The following NDUFAF7 variants were observed in gnomAD, a reference collection of about 807,000 sequenced individuals.
The protein encoded by NDUFAF7 is protein arginine methyltransferase NDUFAF7, mitochondrial.
A neutral mutation model predicts 47.2 loss-of-function variants in NDUFAF7; 48 were observed. That is an observed-to-expected ratio of 1.02 (90% CI 0.81 to 1.29). The LOEUF (loss-of-function observed/expected upper bound fraction) is 1.29. Among genes scored for constraint, NDUFAF7 ranks in the 50% most tolerant of loss-of-function variants. The pLI is 0.00. For synonymous variants in NDUFAF7, 217 were observed against 190.0 expected (o/e 1.14, Z -1.17); for missense variants, 635 against 537.6 (o/e 1.18, Z -1.79).
At chr2:37,239,497 T>G (rs1666138940) in intron 4 of NDUFAF7, among the ~76,000 whole-genome samples, 6 of 152,226 alleles carry the variant, frequency 3.9e-5, no homozygotes. Flanking sequence ...CCAGCAATTT[T>G]ACTGCTAGTG....
rs563449749 is a variant in NDUFAF7 at position 37,248,214 on chromosome 2, A to T, written c.1190A>T (p.Lys397Met). Residue 397 changes from lysine to methionine, a missense_variant, in exon 10 of 10, where the codon AAG becomes ATG. Coordinates refer to ENST00000002125, the MANE Select transcript of NDUFAF7 (RefSeq NM_144736.5). The stretch of plus-strand genomic sequence containing the variant: ...TATGATATGTTAATGAATCCAAAGA[A>T]GATGGGAGAGAGATTTAACTTTTTT... ...QGYDMLMNPK[K>M]MGERFNFFAL... The T allele has an allele frequency of 1.9e-6, 3 of 1,613,994 alleles. No individual in the cohort carries two copies. The highest frequency in any genetic ancestry group is 1.7e-5 in the Admixed American group (1 of 60,020).
At chr2:37,263,462 G>T in the NDUFAF7 span, among the ~76,000 whole-genome samples, 2 of 152,232 alleles carry the variant, frequency 1.3e-5, no homozygotes, top group East Asian at 3.9e-4. Flanking sequence ...TTTAGACCTT[G>T]TACGTTCTTA....
chr2:37,254,056 G>C (rs1667740168), downstream of NDUFAF7: 8 of 629,402 alleles, frequency 1.3e-5, no homozygotes, highest in Admixed American at 7.9e-5. Context: ...ATGCTGTATG[G>C]TTTCCAGAGA....
the NDUFAF7 span, among the ~76,000 whole-genome samples, chr2:37,266,816 C>A: frequency 2.0e-5 from 3 of 152,080 alleles, no homozygotes; most frequent in Non-Finnish European, 4.4e-5. Context: ...ACCATGATTT[C>A]TTTAATAATA....
chr2:37,267,113 T>C, the NDUFAF7 span, among the ~76,000 whole-genome samples: 3 of 152,194 alleles, frequency 2.0e-5, no homozygotes, highest in East Asian at 1.9e-4. Context: ...TGCACAGTAA[T>C]TGCTATGACA....
chr2:37,262,691 C>G, the NDUFAF7 span, among the ~76,000 whole-genome samples: 11 of 152,104 alleles, frequency 7.2e-5, no homozygotes, highest in African/African-American at 2.7e-4. Flanking sequence ...TCCCCCCTGC[C>G]CTCCTTTAAA....
At chr2:37,261,747 T>G in the NDUFAF7 span, among the ~76,000 whole-genome samples, 1 of 152,240 alleles carries the variant, frequency 6.6e-6, no homozygotes, top group African/African-American at 2.4e-5. Context: ...GCCATTGCAC[T>G]CTAGCCTGGG....
Position 37,247,450 on chromosome 2 carries a change from T to C in NDUFAF7, c.937-6T>C. 1 of 1,613,994 alleles carries C rather than the reference T, an allele frequency of 6.2e-7. No homozygotes were observed. The highest frequency in any genetic ancestry group is 8.5e-7 in the Non-Finnish European group (1 of 1,179,910). The stretch of plus-strand genomic sequence containing the variant: ...AGGGCAAAAATCTGATTTCTTTATG[T>C]TCAAGGGGTTTTGCGACCACAAGCT... On this transcript the variant is annotated splice_region_variant and splice_polypyrimidine_tract_variant and intron_variant, in intron 8 of 9. Coordinates refer to ENST00000002125, the MANE Select transcript of NDUFAF7 (RefSeq NM_144736.5).
At chr2:37,265,670 A>AAGT in the NDUFAF7 span, among the ~76,000 whole-genome samples, 1 of 152,340 alleles carries the variant, frequency 6.6e-6, no homozygotes, top group East Asian at 1.9e-4. Flanking sequence ...CCAAATATAA[A>AAGT]AGTATAAATA....
rs1667226525 is a variant in NDUFAF7 at position 37,248,991 on chromosome 2, T to C, written c.*641T>C. On this transcript the variant is annotated 3_prime_UTR_variant, in exon 10 of 10. Transcript: ENST00000002125. Reference sequence around the variant, plus strand: ...GACTAAATGGCTATTCACAGGAAACTGATAAGATATATGTTATTTTTTTAA... The same window carrying C: ...GACTAAATGGCTATTCACAGGAAACCGATAAGATATATGTTATTTTTTTAA... 2 of 153,396 alleles carry C rather than the reference T, an allele frequency of 1.3e-5. No individual in the cohort carries two copies. Among genetic ancestry groups the C allele is most frequent in the South Asian group, 2.0e-4 (1 of 4,930 alleles). 9.5% of individuals were successfully genotyped at this position (153,396 alleles called of 1,614,324 possible).
chr2:37,251,206 T>C (rs1667462449), downstream of NDUFAF7: 1 of 152,514 alleles, frequency 6.6e-6, no homozygotes, highest in Non-Finnish European at 1.5e-5. Flanking sequence ...AAAAAAAAAT[T>C]TTTTTTGAAA....
chr2:37,258,404 A>C, the NDUFAF7 span, among the ~76,000 whole-genome samples: 8 of 152,330 alleles, frequency 5.3e-5, no homozygotes, highest in South Asian at 1.7e-3. Context: ...CATCTTGATA[A>C]GGTAAAGATG....
chr2:37,241,880 A>C, intron 5 of NDUFAF7, 89 bp downstream of exon 5: 1 of 1,161,510 alleles, frequency 8.6e-7, no homozygotes, highest in Non-Finnish European at 1.2e-6. Context: ...GCAATATAAT[A>C]GATTGAGTTA....
At chr2:37,234,219 A>G (rs1665505500) in intron 2 of NDUFAF7, among the ~76,000 whole-genome samples, 1 of 152,036 alleles carries the variant, frequency 6.6e-6, no homozygotes, top group Non-Finnish European at 1.5e-5. Context: ...CCTCCCGAGT[A>G]GTTGGGATTA....
intron 3 of NDUFAF7, among the ~76,000 whole-genome samples, chr2:37,237,397 A>G (rs1665906681): frequency 1.3e-5 from 2 of 152,274 alleles, no homozygotes; most frequent in South Asian, 4.1e-4. Flanking sequence ...TATTATAAGA[A>G]TCATGTAATT....
At chr2:37,261,245 G>C in the NDUFAF7 span, among the ~76,000 whole-genome samples, 3 of 152,092 alleles carry the variant, frequency 2.0e-5, no homozygotes. Context: ...CCAGCACTTT[G>C]GGAAGCCGAG....
rs118112226 is a variant in NDUFAF7, at chr2:37,244,452, T to C, written c.792+479T>C. Among the ~76,000 whole-genome samples the C allele has an allele frequency of 1.1e-3, 175 of 152,328 alleles. 5 individuals are homozygous for C. The East Asian group carries it at 0.03, about 26-fold the overall frequency. ...TCTTTGGGCTACAGCATGGCTTTTA[T>C]CCCATGCTTCCACACAGATCTCAGT... On this transcript the variant is annotated intron_variant, in intron 7 of 9. Transcript: ENST00000002125.
chr2:37,256,628 ATTTTTTTTTTTT>A (rs56389006), downstream of NDUFAF7: 306 of 1,202,046 alleles, frequency 2.5e-4, no homozygotes, highest in Admixed American at 9.5e-4. Flanking sequence ...CATAGCCAAA[ATTTTTTTTTTTT>A]TTTTTTTTTT....
chr2:37,266,804 C>T, the NDUFAF7 span, among the ~76,000 whole-genome samples: 3 of 152,018 alleles, frequency 2.0e-5, no homozygotes, highest in South Asian at 2.1e-4. Flanking sequence ...AGCTATTATA[C>T]GACCATGATT....
Sources: allele counts gnomAD v4.1 joint callset (sites outside exome capture counted in the v4.1 genomes callset), GRCh38; gene constraint gnomAD v4.1.1; transcripts MANE v1.5; gene names NCBI Gene and HGNC (gene_info 2026-07-23, HGNC 2026-07-21).